BRWD1: variants seen among roughly 807,000 people sequenced by gnomAD.
BRWD1 encodes the protein bromodomain and WD repeat-containing protein 1.
BRWD1 carries 82 observed loss-of-function variants against 251.2 expected under a neutral mutation model. That is an observed-to-expected ratio of 0.33 (90% CI 0.27 to 0.39). The LOEUF (loss-of-function observed/expected upper bound fraction) is 0.39, where lower values mean the gene tolerates loss of function less well. Ranked by LOEUF, BRWD1 falls within the 10% of genes least tolerant of loss-of-function variation. The pLI is 1.00. For missense variants in BRWD1, 2,233 were observed against 2,711.6 expected (o/e 0.82, Z 3.92); for synonymous variants, 918 against 902.8 (o/e 1.02, Z -0.30).
At chr21:39,308,764 C>G (rs576624883) in intron 4 of BRWD1, among the ~76,000 whole-genome samples, 17 of 152,070 alleles carry the variant, frequency 1.1e-4, no homozygotes, top group Non-Finnish European at 1.8e-4. Flanking sequence ...AAGTTACCAT[C>G]ATAAGGAACA....
Position 39,224,468 on chromosome 21 carries a change from A to G in BRWD1, c.3322T>C (p.Trp1108Arg). 1 of 1,593,338 alleles carries G rather than the reference A, an allele frequency of 6.3e-7. No individual in the cohort carries two copies. Among genetic ancestry groups the G allele is most frequent in the Non-Finnish European group, 8.6e-7 (1 of 1,168,310 alleles). ...AGTTTTTCAATTTCAGTATTATCCCACCTGTTAAAAAACAACAAATCTCTG... is the reference window on the plus strand; with the variant it reads ...AGTTTTTCAATTTCAGTATTATCCCGCCTGTTAAAAAACAACAAATCTCTG... ...DSHFQCYIVR[W>R]DNTEIEKLSP... Residue 1108 changes from tryptophan to arginine, a missense_variant and splice_region_variant, in exon 29 of 41, where the codon TGG (tryptophan) becomes CGG (arginine). Coordinates refer to ENST00000342449, the MANE Select transcript of BRWD1 (RefSeq NM_033656.4).
At chr21:39,245,099 C>T (rs977951420) in intron 21 of BRWD1, among the ~76,000 whole-genome samples, 1 of 151,328 alleles carries the variant, frequency 6.6e-6, no homozygotes, top group Non-Finnish European at 1.5e-5. Flanking sequence ...ATAGTTTAGC[C>T]AGGCAGGGTG....
At chr21:39,248,440 G>T (rs1409315644) in intron 20 of BRWD1, among the ~76,000 whole-genome samples, 3 of 151,540 alleles carry the variant, frequency 2.0e-5, no homozygotes, top group Non-Finnish European at 4.4e-5. Flanking sequence ...GGAGAAACCT[G>T]CCCCTAAAAA....
intron 27 of BRWD1, 97 bp from the exon 28 acceptor site, chr21:39,225,294 CA>C (rs1226580874): frequency 4.9e-6 from 3 of 612,598 alleles, no homozygotes; most frequent in Non-Finnish European, 8.2e-6. Context: ...ATAAAAAAGC[CA>C]AAAGCACAAT....
chr21:39,192,286 T>C lies in BRWD1; in HGVS notation c.*3973A>G. ...ACTTTTCAATCCTTACTATTCACAG[T>C]TTGAGCTAGGAATTAACATTTGCTA... On this transcript the variant is annotated 3_prime_UTR_variant, in exon 41 of 41. Transcript: ENST00000342449. The C allele has an allele frequency of 1.0e-6, 1 of 985,232 alleles. No homozygotes were observed. The highest frequency in any genetic ancestry group is 6.2e-5 in the Admixed American group (1 of 16,256). The allele number at this position is 985,232 out of a possible 1,614,324, so 61.0% of individuals were successfully genotyped here.
At position 39,258,577 on chromosome 21, in the gene BRWD1, G is replaced by C. The variant is rs1340476843; in HGVS notation, c.1981C>G (p.Gln661Glu). 6.2e-7 allele frequency: 1 copy of C among 1,613,420 alleles called. No individual in the cohort carries two copies. ...CTCTGATCTTGCTGCTGCTGCAACT[G>C]TCTTATCATTCCATCAAGAATACTC... ...ESSILDGMIR[Q>E]LQQQQDQRMG... Residue 661 changes from glutamine to glutamate, a missense_variant, in exon 18 of 41, where the codon CAG (glutamine) becomes GAG (glutamate). Transcript: ENST00000342449.
At position 39,187,625 on chromosome 21, in the gene BRWD1, TAAAAC is replaced by T. The variant is rs2031316050; in HGVS notation, c.*8629_*8633del. 1.0e-6 allele frequency: 1 copy of T among 985,326 alleles called. No individual in the cohort carries two copies. Among genetic ancestry groups the T allele is most frequent in the Non-Finnish European group, 1.2e-6 (1 of 829,820 alleles). The allele number at this position is 985,326 out of a possible 1,614,324, so 61.0% of individuals were successfully genotyped here. A position where few individuals can be genotyped will look rare whatever the true frequency, so the allele number is the denominator to read the frequency against. ...TATCTACAACTATAAGGATGTCACT[TAAAAC>T]AGTAGCAGACTTGTAAGAATGGGGT... On this transcript the variant is annotated 3_prime_UTR_variant, in exon 41 of 41. Transcript: ENST00000342449.
chr21:39,272,637 T>C (rs922672619), intron 13 of BRWD1, among the ~76,000 whole-genome samples: 26 of 150,108 alleles, frequency 1.7e-4, no homozygotes, highest in African/African-American at 6.1e-4. Flanking sequence ...AGGTGGAGTC[T>C]AGCTCTGTCG....
rs181694667 is a variant in BRWD1 at position 39,213,839 on chromosome 21, A to C, written c.3786-286T>G. On this transcript the variant is annotated intron_variant, in intron 32 of 40. Coordinates refer to ENST00000342449, the MANE Select transcript of BRWD1 (RefSeq NM_033656.4). ...CCTCAATTGGATGAATACATGGATGAGTTTTTCTAAGTATCATCAATAGCA... is the reference window on the plus strand; with the variant it reads ...CCTCAATTGGATGAATACATGGATGCGTTTTTCTAAGTATCATCAATAGCA... Among the ~76,000 whole-genome samples, 5 of 151,996 alleles carry C rather than the reference A, an allele frequency of 3.3e-5. No individual in the cohort carries two copies. The East Asian group carries it at 9.6e-4, about 29-fold the overall frequency.
At chr21:39,264,402 T>C in intron 17 of BRWD1, 58 bp downstream of exon 17, 7 of 1,033,546 alleles carry the variant, frequency 6.8e-6, no homozygotes, top group East Asian at 5.8e-5. Context: ...ATTTATATTA[T>C]ACTTTAAAAT....
intron 8 of BRWD1, among the ~76,000 whole-genome samples, chr21:39,283,646 T>C (rs916436612): frequency 1.3e-5 from 2 of 152,220 alleles, no homozygotes; most frequent in Admixed American, 6.5e-5. Context: ...TAATGAAGCC[T>C]CTAAGCTTGA....
At chr21:39,294,167 AT>A in intron 7 of BRWD1, 135 bp from the exon 8 acceptor site, 1 of 715,978 alleles carries the variant, frequency 1.4e-6, no homozygotes, top group Non-Finnish European at 2.3e-6. Context: ...TATGTAATAA[AT>A]TATGACTATG....
intron 4 of BRWD1, 50 bp downstream of exon 4, chr21:39,312,791 C>CG (rs761237487): frequency 8.2e-6 from 12 of 1,458,614 alleles, no homozygotes; most frequent in South Asian, 1.2e-5. Context: ...GGGGCGGGGG[C>CG]GGGGGGCGGT....
intron 7 of BRWD1, 91 bp from the exon 8 acceptor site, chr21:39,294,123 T>A: frequency 9.7e-7 from 1 of 1,030,044 alleles, no homozygotes; most frequent in Non-Finnish European, 1.4e-6. Context: ...CAAATTAACT[T>A]TAACTCTTTC....
intron 4 of BRWD1, among the ~76,000 whole-genome samples, chr21:39,299,555 C>T (rs1190698662): frequency 6.6e-6 from 1 of 152,088 alleles, no homozygotes; most frequent in Non-Finnish European, 1.5e-5. Flanking sequence ...AAAGATATTG[C>T]TCTCATCTCG....
In BRWD1 at chr21:39,191,523, G is replaced by C. The variant is rs2031554797; in HGVS notation, c.*4736C>G. 1 of 980,138 alleles carries C rather than the reference G, an allele frequency of 1.0e-6. No individual in the cohort carries two copies. Among genetic ancestry groups the C allele is most frequent in the Non-Finnish European group, 1.2e-6 (1 of 825,320 alleles). 60.7% of individuals were successfully genotyped at this position (980,138 alleles called of 1,614,324 possible). A position where few individuals can be genotyped will look rare whatever the true frequency, so the allele number is the denominator to read the frequency against. On this transcript the variant is annotated 3_prime_UTR_variant, in exon 41 of 41. Coordinates refer to ENST00000342449, the MANE Select transcript of BRWD1 (RefSeq NM_033656.4). ...TAATTTAGAACATTAACGATCTTAT[G>C]TGAAGTGGAAAACTAAAGATCTGCT... is the stretch of plus-strand genomic sequence containing the variant.
chr21:39,208,648 GTTCAAGTGGC>G lies in BRWD1; in HGVS notation c.4197+1337_4197+1346del, dbSNP rs971302058. Among the ~76,000 whole-genome samples the G allele has an allele frequency of 3.3e-4, 51 of 152,266 alleles. 2 individuals carry two copies. The highest frequency in any genetic ancestry group is 1.2e-3 in the African/African-American group (49 of 41,550). ...GCTCACTGCAACCTCTGCCTCCCAGGTTCAAGTGGCTCTCATGCCTCATTTCAAGCGGTTC... is the reference window on the plus strand; with the variant it reads ...GCTCACTGCAACCTCTGCCTCCCAGGTCTCATGCCTCATTTCAAGCGGTTC... On this transcript the variant is annotated intron_variant, in intron 36 of 40. Transcript: ENST00000342449.
At chr21:39,233,968 C>T (rs1472015693) in intron 23 of BRWD1, among the ~76,000 whole-genome samples, 2 of 152,074 alleles carry the variant, frequency 1.3e-5, no homozygotes, top group Admixed American at 6.6e-5. Context: ...TGCAGTGAGC[C>T]GAGATTGCCC....
chr21:39,294,343 T>TC (rs1456143440), intron 7 of BRWD1, among the ~76,000 whole-genome samples: 7 of 152,136 alleles, frequency 4.6e-5, no homozygotes, highest in Admixed American at 1.3e-4. Context: ...ACGGCTCTCT[T>TC]ATATCAACTA....
Sources: allele counts gnomAD v4.1 joint callset (sites outside exome capture counted in the v4.1 genomes callset), GRCh38; gene constraint gnomAD v4.1.1; transcripts MANE v1.5; gene names NCBI Gene and HGNC (gene_info 2026-07-23, HGNC 2026-07-21).